The following KAZN variants were observed in gnomAD, a reference collection of about 807,000 sequenced individuals.
KAZN encodes kazrin, periplakin interacting protein, also known as kazrin.
KAZN carries 40 observed loss-of-function variants against 87.4 expected under a neutral mutation model. The ratio of observed to expected loss-of-function variants is 0.46; its 90% CI spans 0.36 to 0.60. The LOEUF is 0.60. Among genes scored for constraint, KAZN ranks in the 20% least tolerant of loss-of-function variants. KAZN has a pLI of 0.00. For missense variants in KAZN, 898 were observed against 1,073.9 expected (o/e 0.84, Z 2.29); for synonymous variants, 466 against 458.3 (o/e 1.02, Z -0.22).
intron 1 of KAZN, among the ~76,000 whole-genome samples, chr1:14,603,982 T>C (rs1172330752): frequency 2.0e-5 from 3 of 152,212 alleles, no homozygotes; most frequent in Non-Finnish European, 2.9e-5. Flanking sequence ...TCCTGGGCTA[T>C]GTAGGTAAGG....
chr1:13,932,008 A>ATT lies in KAZN; in HGVS notation c.91+38271_91+38272dup, dbSNP rs35231877. Among the ~76,000 whole-genome samples the ATT allele has an allele frequency of 2.1e-3, 254 of 122,894 alleles. 4 individuals carry two copies. Among genetic ancestry groups the ATT allele is most frequent in the African/African-American group, 7.1e-3 (229 of 32,142 alleles). The allele number at this position is 122,894 out of a possible 152,430, so 80.6% of individuals were successfully genotyped here. A position where few individuals can be genotyped will look rare whatever the true frequency, so the allele number is the denominator to read the frequency against. On this transcript the variant is annotated intron_variant, in intron 1 of 16. Coordinates refer to the KAZN transcript ENST00000636203. ...AGGCACGTACTGCTAGGCTTGGCTA[A>ATT]TTTTTTTTTTTTTTTTTTTTGTATT...
At chr1:14,814,254 T>G (rs1055919903) in intron 1 of KAZN, among the ~76,000 whole-genome samples, 1 of 152,204 alleles carries the variant, frequency 6.6e-6, no homozygotes, top group Non-Finnish European at 1.5e-5. Context: ...TGAGATGGAC[T>G]CTCACTCTGT....
chr1:14,483,803 T>A (rs531425137), intron 2 of KAZN, among the ~76,000 whole-genome samples: 1 of 152,348 alleles, frequency 6.6e-6, no homozygotes, highest in South Asian at 2.1e-4. Flanking sequence ...TTGTTGCCCC[T>A]ATTTTTGGGG....
At position 14,985,123 on chromosome 1, in the gene KAZN, A is replaced by C. The variant is rs868324407; in HGVS notation, c.418+24248A>C. 1.4e-4 allele frequency among the ~76,000 whole-genome samples: 20 copies of C among 144,894 alleles called. 1 individual carries two copies. In the Middle Eastern group the frequency reaches 0.012, roughly 85 times the overall value. The stretch of plus-strand genomic sequence containing the variant: ...TGCACTCCAGCCTGGGCGACAGAGC[A>C]AGACTCTGTCTCAAAAAAAAAAAAA... On this transcript the variant is annotated intron_variant, in intron 2 of 14. Transcript: ENST00000376030.
At chr1:14,860,432 T>C (rs1650704152) in intron 1 of KAZN, among the ~76,000 whole-genome samples, 1 of 152,188 alleles carries the variant, frequency 6.6e-6, no homozygotes, top group African/African-American at 2.4e-5. Context: ...CCTCAAGTTA[T>C]CTACCCACCT....
intron 1 of KAZN, among the ~76,000 whole-genome samples, chr1:14,065,110 A>G (rs566815294): frequency 6.6e-6 from 1 of 152,208 alleles, no homozygotes; most frequent in African/African-American, 2.4e-5. Context: ...GGTTGTGCAA[A>G]TGTTATGGGG....
chr1:14,764,653 G>C (rs1002474602), intron 1 of KAZN, among the ~76,000 whole-genome samples: 1 of 152,032 alleles, frequency 6.6e-6, no homozygotes, highest in Admixed American at 6.6e-5. Context: ...TGAAGAGTTG[G>C]AGGGAGGGAA....
intron 1 of KAZN, among the ~76,000 whole-genome samples, chr1:14,915,183 G>C (rs928871589): frequency 6.6e-6 from 1 of 152,076 alleles, no homozygotes; most frequent in African/African-American, 2.4e-5. Flanking sequence ...GCGAAACTCC[G>C]CCTCAAAAGA....
intron 1 of KAZN, among the ~76,000 whole-genome samples, chr1:14,019,733 T>C (rs1640735900): frequency 6.6e-6 from 1 of 152,112 alleles, no homozygotes; most frequent in Admixed American, 6.6e-5. Context: ...CAGCTTATTC[T>C]AACAGGGTGG....
intron 2 of KAZN, among the ~76,000 whole-genome samples, chr1:14,528,372 AAG>A (rs1195295388): frequency 6.6e-6 from 1 of 151,208 alleles, no homozygotes; most frequent in Non-Finnish European, 1.5e-5. Context: ...GAAAGAAAAA[AAG>A]GAAAATTATT....
chr1:14,750,032 A>G (rs1192561534), intron 1 of KAZN, among the ~76,000 whole-genome samples: 1 of 152,170 alleles, frequency 6.6e-6, no homozygotes, highest in Non-Finnish European at 1.5e-5. Context: ...TGGGGGGTGC[A>G]TGCAAAAACC....
chr1:14,111,539 C>T lies in KAZN; in HGVS notation c.92-68896C>T, dbSNP rs767908596. 2.2e-5 allele frequency among the ~76,000 whole-genome samples: 3 copies of T among 133,900 alleles called. 1 individual carries two copies. Among genetic ancestry groups the T allele is most frequent in the African/African-American group, 8.7e-5 (3 of 34,380 alleles). The allele number at this position is 133,900 out of a possible 152,430, so 87.8% of individuals were successfully genotyped here. A position where few individuals can be genotyped will look rare whatever the true frequency, so the allele number is the denominator to read the frequency against. On this transcript the variant is annotated intron_variant, in intron 1 of 16. Transcript: ENST00000636203. Reference sequence around the variant, plus strand: ...ATTGCTGCACTTGAAGGAAATGGTTCGTTTTTCTCATTCATACGAAAGGGC... The same window carrying T: ...ATTGCTGCACTTGAAGGAAATGGTTTGTTTTTCTCATTCATACGAAAGGGC...
intron 2 of KAZN, among the ~76,000 whole-genome samples, chr1:14,412,312 A>C (rs563687984): frequency 3.3e-5 from 5 of 152,354 alleles, no homozygotes; most frequent in Admixed American, 6.5e-5. Context: ...TTATAAGAAC[A>C]ACCAAAATAA....
intron 1 of KAZN, among the ~76,000 whole-genome samples, chr1:14,857,934 G>A (rs374286715): frequency 2.6e-4 from 40 of 152,020 alleles, no homozygotes; most frequent in Non-Finnish European, 4.3e-4. Flanking sequence ...AAGATACTCT[G>A]TACCTATGAG....
chr1:13,984,715 T>C lies in KAZN; in HGVS notation c.91+90959T>C, dbSNP rs113639769. 9.7e-3 allele frequency among the ~76,000 whole-genome samples: 1,481 copies of C among 152,306 alleles called. 17 individuals carry two copies. The highest frequency in any genetic ancestry group is 0.032 in the African/African-American group (1,339 of 41,574). On this transcript the variant is annotated intron_variant, in intron 1 of 16. Coordinates refer to the KAZN transcript ENST00000636203. ...AGGTAGAGACTGAGTTTGTCTTATT[T>C]ATATGTTCAGTGATGAGCACAGAGC... is the stretch of plus-strand genomic sequence containing the variant.
chr1:14,414,103 A>G (rs879226411), intron 2 of KAZN, among the ~76,000 whole-genome samples: 14 of 152,212 alleles, frequency 9.2e-5, no homozygotes, highest in Admixed American at 2.6e-4. Flanking sequence ...ATGGGCAAAA[A>G]TTAAAAATGA....
At chr1:14,943,194 C>T (rs564346279) in intron 1 of KAZN, among the ~76,000 whole-genome samples, 42 of 151,464 alleles carry the variant, frequency 2.8e-4, no homozygotes, top group African/African-American at 9.2e-4. Context: ...GCCAGACAGA[C>T]GGGGAAACAT....
intron 1 of KAZN, among the ~76,000 whole-genome samples, chr1:14,712,004 G>C (rs1449159232): frequency 2.0e-5 from 3 of 152,178 alleles, no homozygotes; most frequent in Admixed American, 2.0e-4. Context: ...AAGGAGCATG[G>C]TGCAGGCAAT....
intron 1 of KAZN, among the ~76,000 whole-genome samples, chr1:14,174,678 G>T (rs111958567): frequency 6.6e-6 from 1 of 152,140 alleles, no homozygotes; most frequent in East Asian, 1.9e-4. Flanking sequence ...ATATAACAAG[G>T]AGTTAAAAAT....
Sources: allele counts gnomAD v4.1 joint callset (sites outside exome capture counted in the v4.1 genomes callset), GRCh38; gene constraint gnomAD v4.1.1; transcripts MANE v1.5; gene names NCBI Gene and HGNC (gene_info 2026-07-23, HGNC 2026-07-21).